The following SVIL variants were observed in gnomAD, a reference collection of about 807,000 sequenced individuals.
SVIL encodes the protein supervillin, also known as archvillin.
A neutral mutation model predicts 240.4 loss-of-function variants in SVIL; 101 were observed. The ratio of observed to expected loss-of-function variants is 0.42; its 90% CI spans 0.36 to 0.50. SVIL has a LOEUF of 0.50. Ranked by LOEUF, SVIL falls within the 20% of genes least tolerant of loss-of-function variation. SVIL has a pLI of 0.01. For missense variants in SVIL, 2,512 were observed against 2,818.7 expected, an observed-to-expected ratio of 0.89 and a Z score of 2.46; for synonymous variants, 999 against 1,100.0, an observed-to-expected ratio of 0.91 and a Z score of 1.82.
At chr10:29,465,828 A>G in intron 33 of SVIL, 78 bp from the exon 34 acceptor site, 3 of 1,519,910 alleles carry the variant, frequency 2.0e-6, no homozygotes, top group Non-Finnish European at 2.7e-6. Flanking sequence ...AATGTAAAAT[A>G]TGAAATAATT....
intron 1 of SVIL, among the ~76,000 whole-genome samples, chr10:29,692,760 T>C (rs1961613765): frequency 6.6e-6 from 1 of 152,100 alleles, no homozygotes; most frequent in South Asian, 2.1e-4. Context: ...CCCAAGGTGT[T>C]GGAATTACAG....
chr10:29,635,327 C>T (rs1370238546), upstream of SVIL, among the ~76,000 whole-genome samples: 3 of 152,238 alleles, frequency 2.0e-5, no homozygotes, highest in South Asian at 6.2e-4. Context: ...ACAATGAATG[C>T]CCGAAAAGTA....
rs563598468 is a variant in SVIL, at chr10:29,541,696, T to C, written c.828-5627A>G. On this transcript the variant is annotated intron_variant, in intron 6 of 37. Transcript: ENST00000355867. ...AATCTGAGGAAGGTGCGAGGCTGGA[T>C]TGGCATCCCCTCATCTCCTGATTGG... Among the ~76,000 whole-genome samples, 8 of 152,082 alleles carry C rather than the reference T, an allele frequency of 5.3e-5. No individual in the cohort carries two copies. In the South Asian group the frequency reaches 1.7e-3, roughly 32 times the overall value.
Position 29,536,005 on chromosome 10 carries a change from T to C in SVIL, c.892A>G (p.Ile298Val). The change falls in exon 7 of 38, where the codon ATC (isoleucine) becomes GTC (valine). Residue 298 changes from isoleucine (I) to valine (V), a missense_variant. Physicochemically the swap from Ile to Val is conservative, Grantham distance 29. This residue lies in a region of SVIL where 1,443 missense variants were observed against 1,486.6 expected (regional missense o/e 0.97). Transcript: ENST00000355867. ...TGCGGGTACCTGGAAGGCCAGTTGA[T>C]AAGTGAAGGTGTGTCCCCTTCGGAA... ...KDSEGDTPSL[I>V]NWPSRVKVRE... 2 of 1,614,208 alleles carry C rather than the reference T, an allele frequency of 1.2e-6. No individual in the cohort carries two copies. Among genetic ancestry groups the C allele is most frequent in the Non-Finnish European group, 1.7e-6 (2 of 1,180,030 alleles).
chr10:29,493,496 G>T lies in SVIL; in HGVS notation c.3842-105C>A, dbSNP rs1200158774. Reference sequence around the variant, plus strand: ...CTATTGCCTCCTAAGTTCCAGGAGTGGAAGAAACACGGTTGTGATATACAG... The same window carrying T: ...CTATTGCCTCCTAAGTTCCAGGAGTTGAAGAAACACGGTTGTGATATACAG... On this transcript the variant is annotated intron_variant, in intron 20 of 37. Transcript: ENST00000355867. 87 of 1,266,808 alleles carry T rather than the reference G, an allele frequency of 6.9e-5. 1 individual carries two copies. Among genetic ancestry groups the T allele is most frequent in the Admixed American group, 3.1e-4 (14 of 45,836 alleles). The allele number at this position is 1,266,808 out of a possible 1,614,324, so 78.5% of individuals were successfully genotyped here.
At chr10:29,682,050 G>A (rs1017836414) in intron 2 of SVIL, among the ~76,000 whole-genome samples, 2 of 152,096 alleles carry the variant, frequency 1.3e-5, no homozygotes, top group South Asian at 2.1e-4. Flanking sequence ...CCTGGGAGGG[G>A]CTGGTGATCC....
chr10:29,634,363 A>C (rs1177772636), intron 1 of SVIL, 57 bp downstream of exon 1: 1 of 152,096 alleles, frequency 6.6e-6, no homozygotes, highest in Non-Finnish European at 1.5e-5. Context: ...AAGCAAAAAC[A>C]AAAACAACAA....
rs547188483 is a variant in SVIL at position 29,676,409 on chromosome 10, A to G, written c.-301+10144T>C. ...GTGTGTGTGTGCGCACACGCACAATATAAACTCTTTGAGAGCAAAGACTAA... is the reference window on the plus strand; with the variant it reads ...GTGTGTGTGTGCGCACACGCACAATGTAAACTCTTTGAGAGCAAAGACTAA... On this transcript the variant is annotated intron_variant, in intron 2 of 35. Transcript: ENST00000375400. Among the ~76,000 whole-genome samples, 21 of 152,270 alleles carry G rather than the reference A, an allele frequency of 1.4e-4. 1 individual carries two copies. The South Asian group carries it at 4.4e-3, about 32-fold the overall frequency.
intron 1 of SVIL, among the ~76,000 whole-genome samples, chr10:29,723,246 A>G (rs2132699547): frequency 1.3e-5 from 2 of 152,334 alleles, no homozygotes; most frequent in South Asian, 4.1e-4. Flanking sequence ...TTAAAAAACA[A>G]AAAATTAAAA....
At chr10:29,613,593 C>G (rs1009190475) in intron 1 of SVIL, among the ~76,000 whole-genome samples, 1 of 152,134 alleles carries the variant, frequency 6.6e-6, no homozygotes, top group African/African-American at 2.4e-5. Context: ...CTGCGTAGGC[C>G]TCTCAAAGTG....
chr10:29,654,645 T>C (rs1166791118), intron 3 of SVIL, among the ~76,000 whole-genome samples: 1 of 152,146 alleles, frequency 6.6e-6, no homozygotes, highest in Non-Finnish European at 1.5e-5. Context: ...ATTAGAGGAA[T>C]TGGCTCACAG....
intron 5 of SVIL, among the ~76,000 whole-genome samples, chr10:29,554,065 G>A (rs1953658511): frequency 6.6e-6 from 1 of 152,172 alleles, no homozygotes; most frequent in African/African-American, 2.4e-5. Context: ...AATGTGCGAG[G>A]GGAATCATTT....
intron 1 of SVIL, among the ~76,000 whole-genome samples, chr10:29,605,724 T>C (rs888807258): frequency 6.8e-6 from 1 of 147,094 alleles, no homozygotes; most frequent in South Asian, 2.1e-4. Flanking sequence ...CAAATATATA[T>C]ATATATTATT....
Position 29,524,688 on chromosome 10 carries a change from G to A in SVIL, c.2370C>T (p.Ala790=). ...ARLQASAHQK[A]LAKDQTNEGK... ...CCTCATTTGTCTGGTCCTTGGCTAA[G>A]GCCTTTTGGTGAGCAGAGGCCTGCA... Residue 790 remains alanine, a synonymous_variant, in exon 14 of 38, where the codon GCC becomes GCT. Coordinates refer to ENST00000355867, the MANE Select transcript of SVIL (RefSeq NM_021738.3). The A allele has an allele frequency of 6.2e-7, 1 of 1,614,146 alleles. No homozygotes were observed. The highest frequency in any genetic ancestry group is 8.5e-7 in the Non-Finnish European group (1 of 1,180,034).
chr10:29,553,010 G>A (rs758006925), intron 5 of SVIL, among the ~76,000 whole-genome samples: 2 of 151,924 alleles, frequency 1.3e-5, no homozygotes, highest in African/African-American at 4.8e-5. Flanking sequence ...AAGAGGTGGA[G>A]TCTGGCCGTG....
At chr10:29,629,770 G>A (rs529731135) in intron 1 of SVIL, among the ~76,000 whole-genome samples, 1 of 148,874 alleles carries the variant, frequency 6.7e-6, no homozygotes, top group African/African-American at 2.4e-5. Flanking sequence ...TTGAGGCCAG[G>A]AGCTCAAGAC....
chr10:29,633,414 C>T (rs142251177), intron 1 of SVIL, among the ~76,000 whole-genome samples: 4 of 151,930 alleles, frequency 2.6e-5, no homozygotes, highest in Non-Finnish European at 2.9e-5. Context: ...TGGGACTGTC[C>T]CCTACACCAT....
At chr10:29,679,966 T>C (rs985955903) in intron 2 of SVIL, among the ~76,000 whole-genome samples, 4 of 151,906 alleles carry the variant, frequency 2.6e-5, no homozygotes, top group Non-Finnish European at 5.9e-5. Flanking sequence ...GAGGATTGCT[T>C]GAGCCCAGGA....
chr10:29,463,914 C>G (rs1944572986), intron 34 of SVIL, among the ~76,000 whole-genome samples: 1 of 152,210 alleles, frequency 6.6e-6, no homozygotes, highest in Non-Finnish European at 1.5e-5. Context: ...TCCCTTTGCC[C>G]CAGCTCAAGG....
Sources: gnomAD v4.1 joint callset for allele counts (sites outside exome capture counted in the v4.1 genomes callset) on GRCh38, gnomAD v4.1.1 for gene constraint, gnomAD v4.1.1 regional missense constraint, MANE v1.5 for transcripts, NCBI Gene and HGNC (gene_info 2026-07-23, HGNC 2026-07-21) for gene names.